The following CPNE6 variants were observed in gnomAD, a reference collection of about 807,000 sequenced individuals.
CPNE6 encodes the protein copine-6.
In CPNE6, 33 loss-of-function variants were observed where a neutral mutation model predicts 71.5. The ratio of observed to expected loss-of-function variants is 0.46; its 90% CI spans 0.35 to 0.62. CPNE6 has a LOEUF of 0.62. Among genes scored for constraint, CPNE6 ranks in the 20% least tolerant of loss-of-function variants. The probability of loss-of-function intolerance (pLI) is 0.00; values close to 1 mark genes in which losing one functional copy is unlikely to be tolerated. For synonymous variants in CPNE6, 296 were observed against 293.0 expected (o/e 1.01, Z -0.10); for missense variants, 576 against 747.3 (o/e 0.77, Z 2.67).
In CPNE6 at chr14:24,073,831, G is replaced by A. The variant is rs754159597; in HGVS notation, c.348+153G>A. ...TCACTAGCTGTGCAGCCTCAGGAAA[G>A]ATACTTAACCTCTCTGAGTCTTAGT... On this transcript the variant is annotated intron_variant, in intron 4 of 17. Coordinates refer to ENST00000397016, the Ensembl canonical transcript of CPNE6. The surrounding 1 kb of genome is among the most constrained non-coding windows in gnomAD (Gnocchi z 5.5). Among the ~76,000 whole-genome samples the A allele has an allele frequency of 7.9e-5, 12 of 152,198 alleles. No homozygotes were observed. The highest frequency in any genetic ancestry group is 1.3e-4 in the Non-Finnish European group (9 of 68,022).
chr14:24,074,678 C>T lies in CPNE6; in HGVS notation c.583-28C>T, dbSNP rs2036002719. The T allele has an allele frequency of 6.2e-7, 1 of 1,613,536 alleles. No homozygotes were observed. Among genetic ancestry groups the T allele is most frequent in the South Asian group, 1.1e-5 (1 of 91,078 alleles). Reference sequence around the variant, plus strand: ...TAAAGTAAGAAGACACAGACAGGAGCTGACCAGCCACCTGGTGCCTCTCCA... The same window carrying T: ...TAAAGTAAGAAGACACAGACAGGAGTTGACCAGCCACCTGGTGCCTCTCCA... On this transcript the variant is annotated intron_variant, in intron 7 of 17. Transcript: ENST00000397016. This position sits in a 1 kb window ranked among gnomAD's most constrained non-coding sequence, Gnocchi z 4.5.
Position 24,074,105 on chromosome 14 carries a change from G to T in CPNE6, c.403G>T (p.Ala135Ser). 6.2e-7 allele frequency: 1 copy of T among 1,614,132 alleles called. No individual in the cohort carries two copies. Among genetic ancestry groups the T allele is most frequent in the Non-Finnish European group, 8.5e-7 (1 of 1,180,012 alleles). Residue 135 changes from alanine to serine, a missense_variant, in exon 5 of 18, where the codon GCG becomes TCG. Ala to Ser is a moderately conservative substitution (Grantham distance 99, BLOSUM62 1). Transcript: ENST00000397016. This position sits in a 1 kb window ranked among gnomAD's most constrained non-coding sequence, Gnocchi z 4.5. The stretch of plus-strand genomic sequence containing the variant: ...ATTATTGCTGAAGAATGGGAAGACT[G>T]CGGGCAAGTCCACCATCACGGTAGG...
chr14:24,075,620 G>T lies in CPNE6; in HGVS notation c.864+29G>T. The T allele has an allele frequency of 6.4e-7, 1 of 1,563,474 alleles. No individual in the cohort carries two copies. Among genetic ancestry groups the T allele is most frequent in the East Asian group, 2.3e-5 (1 of 44,106 alleles). On this transcript the variant is annotated intron_variant, in intron 10 of 17. Transcript: ENST00000397016. The surrounding 1 kb of genome is among the most constrained non-coding windows in gnomAD (Gnocchi z 4.3). ...AATTTCACTTCCTGCTTCAAGCCTTGCCCCAGCCCCTGCCCCTACCACACT... is the reference window on the plus strand; with the variant it reads ...AATTTCACTTCCTGCTTCAAGCCTTTCCCCAGCCCCTGCCCCTACCACACT...
intron 1 of CPNE6, 61 bp from the exon 1 acceptor site, chr14:24,071,501 G>GGGCCCCCCCCCCCCC: frequency 2.0e-5 from 29 of 1,416,680 alleles, no homozygotes; most frequent in Non-Finnish European, 2.3e-5. Context: ...CTGGTGCTGC[G>GGGCCCCCCCCCCCCC]CCCCCCCCCA....
At chr14:24,076,906 G>A (rs201909603) in exon 15 of CPNE6, 31 of 1,613,154 alleles carry the variant, frequency 1.9e-5, no homozygotes, top group Non-Finnish European at 2.5e-5. Flanking sequence ...GCCTCCTACC[G>A]TCGTTGCCTG....
Position 24,074,915 on chromosome 14 carries a change from T to C in CPNE6, c.672+120T>C, listed in dbSNP as rs1279865270. ...CCCAAGTGATAATCACATCCCACTG[T>C]GGGATAAATAATAGGTCACAGCTCA... On this transcript the variant is annotated intron_variant, in intron 8 of 17. Transcript: ENST00000397016. The surrounding 1 kb of genome is among the most constrained non-coding windows in gnomAD (Gnocchi z 4.5). 1.2e-6 allele frequency: 1 copy of C among 842,320 alleles called. No homozygotes were observed. The highest frequency in any genetic ancestry group is 1.9e-6 in the Non-Finnish European group (1 of 516,706). The allele number at this position is 842,320 out of a possible 1,614,324, so 52.2% of individuals were successfully genotyped here. A position where few individuals can be genotyped will look rare whatever the true frequency, so the allele number is the denominator to read the frequency against.
rs2138844127 is a variant in CPNE6 at position 24,073,097 on chromosome 14, G to A, written c.161G>A (p.Trp54Ter). The change falls in exon 3 of 18, where the codon TGG becomes TAG. Residue 54 changes from tryptophan (W) to a stop codon, truncating the protein, a stop_gained. Transcript: ENST00000397016. LOFTEE classifies it high-confidence loss of function. This position sits in a 1 kb window ranked among gnomAD's most constrained non-coding sequence, Gnocchi z 5.5. ...CTCAAGCTCTACTCTGATGAGCAGT[G>A]GGTGGAGGTGAGAGCAGCTCAGGTT... The A allele has an allele frequency of 6.9e-7, 1 of 1,458,776 alleles. No individual in the cohort carries two copies. Among genetic ancestry groups the A allele is most frequent in the Non-Finnish European group, 9.1e-7 (1 of 1,104,672 alleles). 90.4% of individuals were successfully genotyped at this position (1,458,776 alleles called of 1,614,324 possible). A position where few individuals can be genotyped will look rare whatever the true frequency, so the allele number is the denominator to read the frequency against.
Position 24,075,320 on chromosome 14 carries a change from G to A in CPNE6, c.777+44G>A, listed in dbSNP as rs764641219. 6.5e-7 allele frequency: 1 copy of A among 1,547,888 alleles called. No homozygotes were observed. Among genetic ancestry groups the A allele is most frequent in the South Asian group, 1.1e-5 (1 of 89,730 alleles). ...CCCCAGAATCCCACCCAGATCCCTG[G>A]GAGAATCCTGAGGGTGATGCTGAAG... On this transcript the variant is annotated intron_variant, in intron 9 of 17. Coordinates refer to ENST00000397016, the Ensembl canonical transcript of CPNE6. The surrounding 1 kb of genome is among the most constrained non-coding windows in gnomAD (Gnocchi z 4.3).
At chr14:24,071,806 G>T in intron 2 of CPNE6, 165 bp downstream of exon 1, 2 of 544,946 alleles carry the variant, frequency 3.7e-6, no homozygotes, top group Non-Finnish European at 3.3e-6. Context: ...TGGGAGACTT[G>T]TGGCTGGAAG....
exon 12 of CPNE6, chr14:24,076,244 C>T (rs1367300300): frequency 6.2e-7 from 1 of 1,614,228 alleles, no homozygotes; most frequent in South Asian, 1.1e-5. Flanking sequence ...ACCTGCAGGC[C>T]CTGCGTGCAG....
rs1299603224 is a variant in CPNE6 at position 24,073,507 on chromosome 14, C to T, written c.177C>T (p.Arg59=). The stretch of plus-strand genomic sequence containing the variant: ...TTCAACCACTACCACAGGTAGAGCG[C>T]ACAGAGGTGCTTCGCTCCTGTTCCA... Residue 59 remains arginine, a synonymous_variant, in exon 4 of 18, where the codon CGC becomes CGT. Transcript: ENST00000397016. The surrounding 1 kb of genome is among the most constrained non-coding windows in gnomAD (Gnocchi z 5.5). 2.5e-6 allele frequency: 4 copies of T among 1,613,152 alleles called. No homozygotes were observed. The highest frequency in any genetic ancestry group is 2.7e-5 in the African/African-American group (2 of 74,912).
Position 24,077,253 on chromosome 14 carries a change from A to T in CPNE6, c.1399A>T (p.Ile467Phe). The T allele has an allele frequency of 6.2e-7, 1 of 1,613,624 alleles. No homozygotes were observed. The highest frequency in any genetic ancestry group is 8.5e-7 in the Non-Finnish European group (1 of 1,180,018). ...TGCCTCCCGCCTGCCCATGTCCATC[A>T]TCATCGTAGGCGTGGGCAATGCTGA... is the stretch of plus-strand genomic sequence containing the variant. The change falls in exon 16 of 18, where the codon ATC becomes TTC. Residue 467 changes from isoleucine (I) to phenylalanine (F), a missense_variant. By Grantham distance (21) the Ile-to-Phe change is conservative. Transcript: ENST00000397016. This position sits in a 1 kb window ranked among gnomAD's most constrained non-coding sequence, Gnocchi z 6.1.
At position 24,077,758 on chromosome 14, in the gene CPNE6, C is replaced by T. The variant is rs960068096; in HGVS notation, c.*28C>T. 16 of 1,509,236 alleles carry T rather than the reference C, an allele frequency of 1.1e-5. No individual in the cohort carries two copies. Among genetic ancestry groups the T allele is most frequent in the Non-Finnish European group, 1.3e-5 (15 of 1,130,602 alleles). The allele number at this position is 1,509,236 out of a possible 1,614,324, so 93.5% of individuals were successfully genotyped here. A position where few individuals can be genotyped will look rare whatever the true frequency, so the allele number is the denominator to read the frequency against. On this transcript the variant is annotated 3_prime_UTR_variant, in exon 17 of 18. Transcript: ENST00000397016. This position sits in a 1 kb window ranked among gnomAD's most constrained non-coding sequence, Gnocchi z 6.1. Reference sequence around the variant, plus strand: ...GCCTCCCTCCGGACCGACACTCCCTCAGCCTCTCAGTGAGTCCTGGGGCTT... The same window carrying T: ...GCCTCCCTCCGGACCGACACTCCCTTAGCCTCTCAGTGAGTCCTGGGGCTT...
In CPNE6 at chr14:24,075,388, C is replaced by T; in HGVS notation, c.777+112C>T. On this transcript the variant is annotated intron_variant, in intron 9 of 17. Transcript: ENST00000397016. This position sits in a 1 kb window ranked among gnomAD's most constrained non-coding sequence, Gnocchi z 4.3. ...AGGAAGTGGAGAGGGTGGAAAGCACCTGGGCTCAGCTGAAGGACGGAACCA... is the reference window on the plus strand; with the variant it reads ...AGGAAGTGGAGAGGGTGGAAAGCACTTGGGCTCAGCTGAAGGACGGAACCA... 5 of 1,379,826 alleles carry T rather than the reference C, an allele frequency of 3.6e-6. No individual in the cohort carries two copies. The highest frequency in any genetic ancestry group is 5.1e-6 in the Non-Finnish European group (5 of 971,930). 85.5% of individuals were successfully genotyped at this position (1,379,826 alleles called of 1,614,324 possible). A position where few individuals can be genotyped will look rare whatever the true frequency, so the allele number is the denominator to read the frequency against.
chr14:24,076,375 A>G, exon 13 of CPNE6: 2 of 1,614,148 alleles, frequency 1.2e-6, no homozygotes, highest in Middle Eastern at 1.6e-4. Flanking sequence ...AGCGGTTCCC[A>G]GCTTTTGGCT....
Position 24,073,235 on chromosome 14 carries a change from T to C in CPNE6, c.168+131T>C. On this transcript the variant is annotated intron_variant, in intron 3 of 17. Transcript: ENST00000397016. This position sits in a 1 kb window ranked among gnomAD's most constrained non-coding sequence, Gnocchi z 5.5. ...CGGCGCCTTCTCGAGGCCGCTTGGGTACCCTGGAGATGGTGTCCCAGAGGG... is the reference window on the plus strand; with the variant it reads ...CGGCGCCTTCTCGAGGCCGCTTGGGCACCCTGGAGATGGTGTCCCAGAGGG... 1 of 1,078,854 alleles carries C rather than the reference T, an allele frequency of 9.3e-7. No homozygotes were observed. The highest frequency in any genetic ancestry group is 1.2e-6 in the Non-Finnish European group (1 of 800,532). The allele number at this position is 1,078,854 out of a possible 1,614,324, so 66.8% of individuals were successfully genotyped here. A position where few individuals can be genotyped will look rare whatever the true frequency, so the allele number is the denominator to read the frequency against.
chr14:24,075,764 A>T lies in CPNE6; in HGVS notation c.865-63A>T. On this transcript the variant is annotated intron_variant, in intron 10 of 17. Transcript: ENST00000397016. The surrounding 1 kb of genome is among the most constrained non-coding windows in gnomAD (Gnocchi z 4.3). ...CCCCCATGTTCCCCACAGAAGCCCT[A>T]CCCAAGCTCCCTCCTCAAAGGACCA... 6.5e-7 allele frequency: 1 copy of T among 1,530,218 alleles called. No homozygotes were observed. Among genetic ancestry groups the T allele is most frequent in the Non-Finnish European group, 9.0e-7 (1 of 1,105,864 alleles). 94.8% of individuals were successfully genotyped at this position (1,530,218 alleles called of 1,614,324 possible). A position where few individuals can be genotyped will look rare whatever the true frequency, so the allele number is the denominator to read the frequency against.
chr14:24,074,159 A>G lies in CPNE6; in HGVS notation c.423+34A>G, dbSNP rs747966904. 1.9e-6 allele frequency: 3 copies of G among 1,608,716 alleles called. No homozygotes were observed. The highest frequency in any genetic ancestry group is 2.6e-6 in the Non-Finnish European group (3 of 1,175,064). Reference sequence around the variant, plus strand: ...GATCACCTGTACTCACCCTTGGTCCAGGTATTCAATGCCCCTGCATGGACA... The same window carrying G: ...GATCACCTGTACTCACCCTTGGTCCGGGTATTCAATGCCCCTGCATGGACA... On this transcript the variant is annotated intron_variant, in intron 5 of 17. Transcript: ENST00000397016. This position sits in a 1 kb window ranked among gnomAD's most constrained non-coding sequence, Gnocchi z 4.5.
chr14:24,077,545 C>A lies in CPNE6; in HGVS notation c.1537-48C>A. ...ACTTCTCCCTCAGATGACCCTGCCTCCCCTACTCTTCCTCTCACCCCTAAC... is the reference window on the plus strand; with the variant it reads ...ACTTCTCCCTCAGATGACCCTGCCTACCCTACTCTTCCTCTCACCCCTAAC... On this transcript the variant is annotated intron_variant, in intron 16 of 17. Coordinates refer to ENST00000397016, the Ensembl canonical transcript of CPNE6. The surrounding 1 kb of genome is among the most constrained non-coding windows in gnomAD (Gnocchi z 6.1). 6.3e-7 allele frequency: 1 copy of A among 1,589,892 alleles called. No homozygotes were observed. Among genetic ancestry groups the A allele is most frequent in the Non-Finnish European group, 8.6e-7 (1 of 1,165,712 alleles).
Sources: allele counts gnomAD v4.1 joint callset (sites outside exome capture counted in the v4.1 genomes callset), GRCh38; gene constraint gnomAD v4.1.1; non-coding constraint Gnocchi (gnomAD v3.1); transcripts MANE v1.5; gene names NCBI Gene and HGNC (gene_info 2026-07-23, HGNC 2026-07-21).